ALPL: variants seen among roughly 807,000 people sequenced by gnomAD.
ALPL encodes alkaline phosphatase, biomineralization associated.
Under a neutral mutation model 51.3 loss-of-function variants are expected in ALPL, and 42 were observed. The ratio of observed to expected loss-of-function variants is 0.82; its 90% CI spans 0.64 to 1.06. The LOEUF is 1.06. ALPL is among the 50% of genes least tolerant of loss of function. ALPL has a pLI of 0.00. For synonymous variants in ALPL, 279 were observed against 296.4 expected, an observed-to-expected ratio of 0.94 and a Z score of 0.60; for missense variants, 589 against 709.4, an observed-to-expected ratio of 0.83 and a Z score of 1.93.
chr1:21,561,126 C>A lies in ALPL; in HGVS notation c.211C>A (p.Arg71Ser), dbSNP rs121918001. 2 of 1,612,882 alleles carry A rather than the reference C, an allele frequency of 1.2e-6. No individual in the cohort carries two copies. The highest frequency in any genetic ancestry group is 2.2e-5 in the East Asian group (1 of 44,814). ...GMGVSTVTAA[R>S]ILKGQLHHNP... ...GGGTGTCTCCACAGTGACGGCTGCC[C>A]GCATCCTCAAGGGTCAGCTCCACCA... Residue 71 changes from arginine to serine, a missense_variant, in exon 4 of 12, where the codon CGC becomes AGC. Arg to Ser is a moderately radical substitution (Grantham distance 110). Coordinates refer to ENST00000374840, the MANE Select transcript of ALPL (RefSeq NM_000478.6).
chr1:21,563,551 C>T (rs1212568972), intron 5 of ALPL, among the ~76,000 whole-genome samples: 1 of 152,130 alleles, frequency 6.6e-6, no homozygotes, highest in African/African-American at 2.4e-5. Flanking sequence ...GGAACGTAGC[C>T]CCCTCATAGG....
intron 7 of ALPL, 37 bp from the exon 8 acceptor site, chr1:21,570,268 A>G: frequency 6.2e-7 from 1 of 1,606,302 alleles, no homozygotes; most frequent in Non-Finnish European, 8.5e-7. Flanking sequence ...GACTCTCCCT[A>G]GCCCCCGGCA....
In ALPL at chr1:21,564,203, T is replaced by A; in HGVS notation, c.635T>A (p.Ile212Asn). ...KDIAYQLMHN[I>N]RDIDVIMGGG... ...ATCGCCTACCAGCTCATGCATAACA[T>A]CAGGGACATTGACGTGAGTGCTCGG... is the stretch of plus-strand genomic sequence containing the variant. The change falls in exon 6 of 12, where the codon ATC (isoleucine) becomes AAC (asparagine). Residue 212 changes from isoleucine (I) to asparagine (N), a missense_variant. By Grantham distance (149) the Ile-to-Asn change is moderately radical. Transcript: ENST00000374840. This position sits in a 1 kb window ranked among gnomAD's most constrained non-coding sequence, Gnocchi z 5.8. 1 of 1,613,692 alleles carries A rather than the reference T, an allele frequency of 6.2e-7. No homozygotes were observed. Among genetic ancestry groups the A allele is most frequent in the Non-Finnish European group, 8.5e-7 (1 of 1,179,950 alleles).
intron 1 of ALPL, among the ~76,000 whole-genome samples, chr1:21,528,011 T>G (rs77632781): frequency 0.045 from 5,339 of 119,372 alleles, 133 homozygotes; most frequent in Non-Finnish European, 0.049. Context: ...GTTTTTTTTT[T>G]TTTTGTTTTT....
intron 1 of ALPL, among the ~76,000 whole-genome samples, chr1:21,548,034 C>T (rs1269224136): frequency 6.6e-6 from 1 of 152,258 alleles, no homozygotes; most frequent in East Asian, 1.9e-4. Flanking sequence ...TCTGGCGCCA[C>T]AGCCTAGCCG....
chr1:21,520,118 TTTG>T (rs1470297837), intron 1 of ALPL, among the ~76,000 whole-genome samples: 2 of 152,024 alleles, frequency 1.3e-5, no homozygotes, highest in Non-Finnish European at 2.9e-5. Flanking sequence ...TCAGGTTTTT[TTTG>T]TTGTTGTTGT....
At chr1:21,542,697 G>A (rs768686017) in intron 1 of ALPL, among the ~76,000 whole-genome samples, 3 of 152,106 alleles carry the variant, frequency 2.0e-5, no homozygotes, top group African/African-American at 4.8e-5. Context: ...AAAATTAGCC[G>A]GGCATGGTGG....
chr1:21,576,713 C>A (rs1644742852), intron 11 of ALPL, 72 bp downstream of exon 11: 1 of 1,595,670 alleles, frequency 6.3e-7, no homozygotes, highest in Non-Finnish European at 8.6e-7. Context: ...AATAGGGTGT[C>A]AGCTTGTGGT....
At chr1:21,550,689 C>G (rs1644309555) in intron 1 of ALPL, among the ~76,000 whole-genome samples, 1 of 152,182 alleles carries the variant, frequency 6.6e-6, no homozygotes, top group Non-Finnish European at 1.5e-5. Flanking sequence ...CCCCAGCAGC[C>G]CGTTCCCGTT....
chr1:21,514,393 C>T (rs7523855), intron 1 of ALPL, among the ~76,000 whole-genome samples: 49,402 of 152,144 alleles, frequency 0.32, 8,788 homozygotes, highest in East Asian at 0.47. Flanking sequence ...TGCTCCCTAA[C>T]AGCCCTGTGC....
At chr1:21,570,520 G>A in intron 8 of ALPL, 146 bp downstream of exon 8, 1 of 800,468 alleles carries the variant, frequency 1.2e-6, no homozygotes, top group Non-Finnish European at 2.0e-6. Context: ...GAGAGGCAAG[G>A]AAGGGGGTTC....
rs146133079 is a variant in ALPL at position 21,569,728 on chromosome 1, C to A, written c.793-577C>A. Among the ~76,000 whole-genome samples the A allele has an allele frequency of 1.3e-4, 20 of 152,304 alleles. No homozygotes were observed. In the East Asian group the frequency reaches 3.7e-3, roughly 28 times the overall value. On this transcript the variant is annotated intron_variant, in intron 7 of 11. Transcript: ENST00000374840. ...CAGATCCTTGGTAGTGCTGGGACCC[C>A]TGGTCCAGGCCCACATGGTGCCCTC...
chr1:21,528,601 T>C (rs112747592), intron 1 of ALPL, among the ~76,000 whole-genome samples: 3,691 of 151,808 alleles, frequency 0.024, 165 homozygotes, highest in African/African-American at 0.083. Flanking sequence ...CCACCCACCT[T>C]GACCTCCCAA....
At chr1:21,560,951 G>A in intron 3 of ALPL, 146 bp from the exon 4 acceptor site, 1 of 974,662 alleles carries the variant, frequency 1.0e-6, no homozygotes, top group South Asian at 1.4e-5. Context: ...GGAGAGAGGG[G>A]CTGCTCACTG....
At chr1:21,572,879 G>A (rs907233484) in intron 8 of ALPL, among the ~76,000 whole-genome samples, 1 of 151,958 alleles carries the variant, frequency 6.6e-6, no homozygotes, top group Non-Finnish European at 1.5e-5. Flanking sequence ...ACAGGCCACC[G>A]TGCCCTTCAA....
intron 1 of ALPL, among the ~76,000 whole-genome samples, chr1:21,528,348 T>C (rs367781153): frequency 0.033 from 4,697 of 142,102 alleles, 230 homozygotes; most frequent in African/African-American, 0.055. Flanking sequence ...TTCAGTTTTT[T>C]TTTTTTTTTT....
chr1:21,522,833 G>C (rs917568603), intron 1 of ALPL, among the ~76,000 whole-genome samples: 1 of 152,152 alleles, frequency 6.6e-6, no homozygotes, highest in African/African-American at 2.4e-5. Context: ...AAATGACAGC[G>C]GTCATAAATC....
chr1:21,533,463 A>AT (rs1349038080), intron 1 of ALPL, among the ~76,000 whole-genome samples: 2 of 152,142 alleles, frequency 1.3e-5, no homozygotes, highest in Non-Finnish European at 2.9e-5. Context: ...TCTCCACTGC[A>AT]TTTTATCTGT....
At chr1:21,528,239 C>T (rs918943408) in intron 1 of ALPL, among the ~76,000 whole-genome samples, 1 of 151,586 alleles carries the variant, frequency 6.6e-6, no homozygotes, top group African/African-American at 2.4e-5. Context: ...AGGCTGGTCT[C>T]GAACTCCTGG....
Sources: allele counts gnomAD v4.1 joint callset (sites outside exome capture counted in the v4.1 genomes callset), GRCh38; gene constraint gnomAD v4.1.1; non-coding constraint Gnocchi (gnomAD v3.1); transcripts MANE v1.5; gene names NCBI Gene and HGNC (gene_info 2026-07-23, HGNC 2026-07-21).